Variants in ATP6V0E1 observed in about 807,000 individuals in gnomAD.
ATP6V0E1 encodes V-type proton ATPase subunit e 1.
In ATP6V0E1, 4 loss-of-function variants were observed where a neutral mutation model predicts 11.6. That is an observed-to-expected ratio of 0.35 (90% confidence interval 0.17 to 0.79). ATP6V0E1 has a LOEUF of 0.79. Among genes scored for constraint, ATP6V0E1 ranks in the 30% least tolerant of loss-of-function variants. The probability of loss-of-function intolerance (pLI) is 0.54; values close to 1 mark genes in which losing one functional copy is unlikely to be tolerated. For synonymous variants in ATP6V0E1, 36 were observed against 34.8 expected (o/e 1.04, Z -0.13); for missense variants, 105 against 100.0 (o/e 1.05, Z -0.21).
intron 1 of ATP6V0E1, 98 bp from the exon 2 acceptor site, chr5:172,994,677 G>T: frequency 1.0e-6 from 1 of 976,700 alleles, no homozygotes; most frequent in African/African-American, 1.7e-5. Flanking sequence ...TGCAATCCAT[G>T]CCAGTTTGAT....
At chr5:172,991,000 C>G (rs1755970851) in intron 1 of ATP6V0E1, among the ~76,000 whole-genome samples, 1 of 151,952 alleles carries the variant, frequency 6.6e-6, no homozygotes, top group Non-Finnish European at 1.5e-5. Flanking sequence ...TTGCCAAGGC[C>G]TCGAGTGCAG....
At chr5:173,018,539 A>G (rs984922374) in intron 2 of ATP6V0E1, among the ~76,000 whole-genome samples, 6 of 152,162 alleles carry the variant, frequency 3.9e-5, no homozygotes, top group Admixed American at 2.6e-4. Context: ...AGTAGGAACT[A>G]AAGGCAGTGT....
At chr5:173,022,479 T>C (rs1323550977) in intron 3 of ATP6V0E1, among the ~76,000 whole-genome samples, 1 of 152,194 alleles carries the variant, frequency 6.6e-6, no homozygotes, top group African/African-American at 2.4e-5. Flanking sequence ...TTTTTTGTTT[T>C]TGTTTTTGTT....
rs373503037 is a variant in ATP6V0E1 at position 172,988,238 on chromosome 5, A to AT, written c.104+4276dup. ...GCATTCATTCATTGACTGAAAGGTC[A>AT]TTATGTGGCAATTGTCAAGTGCCTG... On this transcript the variant is annotated intron_variant, in intron 1 of 3. Coordinates refer to ENST00000519374, the MANE Select transcript of ATP6V0E1 (RefSeq NM_003945.4). 6.9e-4 allele frequency among the ~76,000 whole-genome samples: 105 copies of AT among 152,334 alleles called. No individual in the cohort carries two copies. The East Asian group carries it at 0.01, about 15-fold the overall frequency.
intron 3 of ATP6V0E1, chr5:173,020,769 T>C (rs1384032475): frequency 5.8e-6 from 3 of 519,206 alleles, no homozygotes; most frequent in Admixed American, 3.9e-5. Flanking sequence ...GTTCCTGTGA[T>C]GGTGTTACAC....
At chr5:173,027,752 C>T (rs1014100272) in intron 3 of ATP6V0E1, among the ~76,000 whole-genome samples, 1 of 151,998 alleles carries the variant, frequency 6.6e-6, no homozygotes, top group Non-Finnish European at 1.5e-5. Context: ...ATGTGCCTGG[C>T]AATAATACCA....
At position 173,035,224 on chromosome 5, in the gene ATP6V0E1, G is replaced by A. The variant is rs1422207707; in HGVS notation, c.*862G>A. ...TTGTCCTTAAAGATGGTACCATGGTGAGCAGTTCAAGGTTACCTGCCAGCT... is the reference window on the plus strand; with the variant it reads ...TTGTCCTTAAAGATGGTACCATGGTAAGCAGTTCAAGGTTACCTGCCAGCT... On this transcript the variant is annotated 3_prime_UTR_variant, in exon 4 of 4. Transcript: ENST00000519374. 4 of 152,144 alleles carry A rather than the reference G, an allele frequency of 2.6e-5. No individual in the cohort carries two copies. Among genetic ancestry groups the A allele is most frequent in the African/African-American group, 9.7e-5 (4 of 41,416 alleles). 9.4% of individuals were successfully genotyped at this position (152,144 alleles called of 1,614,324 possible).
chr5:173,002,553 A>G lies in ATP6V0E1; in HGVS notation c.152+7731A>G, dbSNP rs148761528. 1.2e-3 allele frequency among the ~76,000 whole-genome samples: 189 copies of G among 152,310 alleles called. 4 individuals are homozygous for G. In the East Asian group the frequency reaches 0.035, roughly 28 times the overall value. On this transcript the variant is annotated intron_variant, in intron 2 of 3. Transcript: ENST00000519374. Reference sequence around the variant, plus strand: ...TAGAGGCTGATCAGATTTAGCTTCAATTTTTTGACCAGTCTCCTTCATAAG... The same window carrying G: ...TAGAGGCTGATCAGATTTAGCTTCAGTTTTTTGACCAGTCTCCTTCATAAG...
intron 3 of ATP6V0E1, among the ~76,000 whole-genome samples, chr5:173,027,466 C>T (rs1220422357): frequency 1.3e-5 from 2 of 151,340 alleles, no homozygotes; most frequent in African/African-American, 2.4e-5. Flanking sequence ...CGTGCCACTG[C>T]ACTCCAGCCT....
intron 2 of ATP6V0E1, among the ~76,000 whole-genome samples, chr5:173,014,210 G>A (rs905601554): frequency 2.7e-5 from 4 of 149,384 alleles, no homozygotes; most frequent in African/African-American, 4.9e-5. Context: ...CAGCAAGGAT[G>A]CAGAGAAAAG....
Position 173,027,323 on chromosome 5 carries a change from TAAA to T in ATP6V0E1, c.*36+6974_*36+6976del, listed in dbSNP as rs747815879. 5.5e-3 allele frequency among the ~76,000 whole-genome samples: 575 copies of T among 104,328 alleles called. 4 individuals are homozygous for T. Among genetic ancestry groups the T allele is most frequent in the African/African-American group, 0.019 (546 of 28,464 alleles). 68.4% of individuals were successfully genotyped at this position (104,328 alleles called of 152,430 possible). On this transcript the variant is annotated intron_variant, in intron 3 of 3. Coordinates refer to ENST00000519374, the MANE Select transcript of ATP6V0E1 (RefSeq NM_003945.4). ...TAACACGGTGAAACCCTGTCTCTAC[TAAA>T]AAAAAAAAAAAAAAAAATACAAAAA...
intron 1 of ATP6V0E1, 57 bp downstream of exon 1, chr5:172,984,021 G>T (rs1038487571): frequency 1.3e-6 from 2 of 1,533,094 alleles, no homozygotes; most frequent in African/African-American, 2.7e-5. Context: ...AGCAGGCCGG[G>T]GCGGGGAAAG....
At chr5:173,011,175 C>CTTTTTTTTTTTTTTTTTT (rs754605378) in intron 2 of ATP6V0E1, among the ~76,000 whole-genome samples, 1 of 114,704 alleles carries the variant, frequency 8.7e-6, no homozygotes, top group Non-Finnish European at 1.8e-5. Flanking sequence ...CCTGATTTAT[C>CTTTTTTTTTTTTTTTTTT]TTTTTTTTTT....
At chr5:173,004,331 T>C (rs775283004) in intron 2 of ATP6V0E1, among the ~76,000 whole-genome samples, 2 of 152,106 alleles carry the variant, frequency 1.3e-5, no homozygotes, top group African/African-American at 4.8e-5. Context: ...GGAGCAAAGA[T>C]GTTACTAACC....
chr5:172,988,364 A>G (rs1755929495), intron 1 of ATP6V0E1, among the ~76,000 whole-genome samples: 1 of 152,210 alleles, frequency 6.6e-6, no homozygotes, highest in Admixed American at 6.5e-5. Flanking sequence ...GCTATAATAC[A>G]TTTTGAGAAA....
chr5:172,994,669 C>A, intron 1 of ATP6V0E1, 106 bp from the exon 2 acceptor site: 1 of 889,012 alleles, frequency 1.1e-6, no homozygotes, highest in South Asian at 1.8e-5. Context: ...TCTTGGTGTG[C>A]AATCCATGCC....
chr5:172,987,822 G>T (rs948873414), intron 1 of ATP6V0E1, among the ~76,000 whole-genome samples: 1 of 151,742 alleles, frequency 6.6e-6, no homozygotes, highest in South Asian at 2.1e-4. Context: ...CAAGGGATCC[G>T]TCCACCTCAG....
Position 173,034,608 on chromosome 5 carries a change from G to C in ATP6V0E1, c.*246G>C. On this transcript the variant is annotated 3_prime_UTR_variant, in exon 4 of 4. Transcript: ENST00000519374. ...CTGAACTGTGCCGACTCCACAAAAC[G>C]ATTATGTACTCTTCTGAGATAGAAG... 2 of 599,770 alleles carry C rather than the reference G, an allele frequency of 3.3e-6. No homozygotes were observed. Among genetic ancestry groups the C allele is most frequent in the South Asian group, 4.0e-5 (2 of 50,374 alleles). The allele number at this position is 599,770 out of a possible 1,614,324, so 37.2% of individuals were successfully genotyped here.
At chr5:173,010,804 T>C (rs1756309163) in intron 2 of ATP6V0E1, among the ~76,000 whole-genome samples, 2 of 152,218 alleles carry the variant, frequency 1.3e-5, no homozygotes, top group Admixed American at 1.3e-4. Context: ...GACTGCTCCA[T>C]CTGCGTGTCA....
Sources: gnomAD v4.1 joint callset for allele counts (sites outside exome capture counted in the v4.1 genomes callset) on GRCh38, gnomAD v4.1.1 for gene constraint, MANE v1.5 for transcripts, NCBI Gene and HGNC (gene_info 2026-07-23, HGNC 2026-07-21) for gene names.